The following SPTBN5 variants were observed in gnomAD, a reference collection of about 807,000 sequenced individuals.
SPTBN5 encodes spectrin beta, non-erythrocytic 5.
Under a neutral mutation model 477.6 loss-of-function variants are expected in SPTBN5, and 513 were observed. The ratio of observed to expected loss-of-function variants is 1.07; its 90% CI spans 1.00 to 1.16. SPTBN5 has a LOEUF of 1.16. Among genes scored for constraint, SPTBN5 ranks in the 50% most tolerant of loss-of-function variants. The pLI is 0.00. For synonymous variants in SPTBN5, 2,169 were observed against 2,011.7 expected (o/e 1.08, Z -2.09); for missense variants, 5,062 against 4,731.8 (o/e 1.07, Z -2.05).
rs1445972863 is a variant in SPTBN5, at chr15:41,855,352, GC to G, written c.9294del (p.His3099ThrfsTer23). On this transcript the variant is annotated frameshift_variant, in exon 55 of 68. Coordinates refer to ENST00000320955, the MANE Select transcript of SPTBN5 (RefSeq NM_016642.4). LOFTEE classifies it high-confidence loss of function. ...AELLRRAEARGHGLQEQLQLH... is the reference protein window; with the variant it reads ...AELLRRAEARXHGLQEQLQLH... ...AGCTGCAGCTGCTCCTGCAGGCCGTGCCCCCTGGCCTCCGCCCTCCGCAGCA... is the reference window on the plus strand; with the variant it reads ...AGCTGCAGCTGCTCCTGCAGGCCGTGCCCCTGGCCTCCGCCCTCCGCAGCA... The G allele has an allele frequency of 6.2e-7, 1 of 1,606,168 alleles. No individual in the cohort carries two copies. Among genetic ancestry groups the G allele is most frequent in the East Asian group, 2.2e-5 (1 of 44,866 alleles).
intron 6 of SPTBN5, among the ~76,000 whole-genome samples, chr15:41,886,931 C>A (rs1397147629): frequency 6.6e-6 from 1 of 152,264 alleles, no homozygotes; most frequent in Non-Finnish European, 1.5e-5. Flanking sequence ...AGCTTAATAG[C>A]CCGAGAGTCG....
intron 3 of SPTBN5, among the ~76,000 whole-genome samples, chr15:41,890,411 C>T (rs1188888881): frequency 6.6e-6 from 1 of 152,226 alleles, no homozygotes; most frequent in African/African-American, 2.4e-5. Flanking sequence ...GCCTCAAGCC[C>T]ACCTGGGTGA....
chr15:41,876,215 G>A lies in SPTBN5; in HGVS notation c.4021C>T (p.Pro1341Ser). The change falls in exon 21 of 68, where the codon CCC (proline) becomes TCC (serine). Residue 1341 changes from proline to serine, a missense_variant. By Grantham distance (74) the Pro-to-Ser change is moderately conservative. Coordinates refer to ENST00000320955, the MANE Select transcript of SPTBN5 (RefSeq NM_016642.4). ...AGGATGTTTCTGCGCGCTCCGGAGGGCTCATGCGCAGCCATCAGCCCCTTC... is the reference window on the plus strand; with the variant it reads ...AGGATGTTTCTGCGCGCTCCGGAGGACTCATGCGCAGCCATCAGCCCCTTC... ...EEKGLMAAHE[P>S]SGARRNILQT... 1.2e-6 allele frequency: 2 copies of A among 1,604,270 alleles called. No individual in the cohort carries two copies. The highest frequency in any genetic ancestry group is 8.5e-7 in the Non-Finnish European group (1 of 1,179,042).
chr15:41,862,196 G>T lies in SPTBN5; in HGVS notation c.7482C>A (p.Asp2494Glu). ...VSAQRLRAQM[D>E]TSPAPRSPVE... Reference sequence around the variant, plus strand: ...CAGGGCTGCGAGGAGCGGGGCTCGTGTCCATCTGAGCCCGCAGCCTCTGGG... The same window carrying T: ...CAGGGCTGCGAGGAGCGGGGCTCGTTTCCATCTGAGCCCGCAGCCTCTGGG... Residue 2494 changes from aspartate to glutamate, a missense_variant, in exon 44 of 68, where the codon GAC (aspartate) becomes GAA (glutamate). Physicochemically the swap from Asp to Glu is conservative, Grantham distance 45. Coordinates refer to ENST00000320955, the MANE Select transcript of SPTBN5 (RefSeq NM_016642.4). 6.2e-7 allele frequency: 1 copy of T among 1,610,552 alleles called. No individual in the cohort carries two copies.
Position 41,876,965 on chromosome 15 carries a change from C to G in SPTBN5, c.3712-17G>C, listed in dbSNP as rs1212501817. 6.3e-7 allele frequency: 1 copy of G among 1,598,884 alleles called. No homozygotes were observed. Among genetic ancestry groups the G allele is most frequent in the Non-Finnish European group, 8.5e-7 (1 of 1,173,888 alleles). On this transcript the variant is annotated splice_polypyrimidine_tract_variant and intron_variant, in intron 18 of 67. Transcript: ENST00000320955. Reference sequence around the variant, plus strand: ...CACGTCCTCCTGGGAGTGCAGAGACCTGAGGTCATGCCTGGGAGAATGGGG... The same window carrying G: ...CACGTCCTCCTGGGAGTGCAGAGACGTGAGGTCATGCCTGGGAGAATGGGG...
chr15:41,850,981 G>C (rs766225930), intron 65 of SPTBN5, 42 bp from the exon 66 acceptor site: 151 of 1,589,250 alleles, frequency 9.5e-5, no homozygotes, highest in Non-Finnish European at 1.2e-4. Flanking sequence ...TGTCCCTTTG[G>C]GGACCCCCAC....
chr15:41,854,510 A>G (rs1431509191), intron 56 of SPTBN5, among the ~76,000 whole-genome samples: 1 of 151,798 alleles, frequency 6.6e-6, no homozygotes, highest in Non-Finnish European at 1.5e-5. Context: ...GATCTGGCTG[A>G]CCCTGGCAGT....
In SPTBN5 at chr15:41,868,482, C is replaced by T. The variant is rs751842962; in HGVS notation, c.5973G>A (p.Glu1991=). The T allele has an allele frequency of 1.2e-5, 20 of 1,611,476 alleles. No homozygotes were observed. Among genetic ancestry groups the T allele is most frequent in the Admixed American group, 5.0e-5 (3 of 59,974 alleles). The change falls in exon 33 of 68, where the codon GAG becomes GAA. Residue 1991 remains glutamate, a synonymous_variant. Coordinates refer to ENST00000320955, the MANE Select transcript of SPTBN5 (RefSeq NM_016642.4). ...KLSAHQWLRA[E]LEAREKLWQQ... Reference sequence around the variant, plus strand: ...GCCACAGCTTCTCCCGGGCCTCCAGCTCCGCCCGGAGCCACTGGTGGGCAC... The same window carrying T: ...GCCACAGCTTCTCCCGGGCCTCCAGTTCCGCCCGGAGCCACTGGTGGGCAC...
At chr15:41,851,188 C>T in intron 64 of SPTBN5, 38 bp from the exon 65 acceptor site, 1 of 1,598,086 alleles carries the variant, frequency 6.3e-7, no homozygotes, top group Non-Finnish European at 8.5e-7. Context: ...CTGCGGCCAT[C>T]TCAGCTTTTC....
In SPTBN5 at chr15:41,863,803, A is replaced by G. The variant is rs369529661; in HGVS notation, c.7050T>C (p.His2350=). ...SQLNNRWASF[H]GNLLRYQQQL... is the part of the protein sequence containing the mutation. ...GCTGCTGGTACCGGAGCAAGTTGCC[A>G]TGGAAACTCGCCCACCTGGCCAAGG... Residue 2350 remains histidine (H), a synonymous_variant, in exon 41 of 68, where the codon CAT becomes CAC. Coordinates refer to ENST00000320955, the MANE Select transcript of SPTBN5 (RefSeq NM_016642.4). 1.0e-4 allele frequency: 169 copies of G among 1,613,860 alleles called. No individual in the cohort carries two copies. The highest frequency in any genetic ancestry group is 1.2e-4 in the Non-Finnish European group (147 of 1,179,860).
chr15:41,863,775 G>A lies in SPTBN5; in HGVS notation c.7078C>T (p.Leu2360Phe). The A allele has an allele frequency of 6.2e-7, 1 of 1,613,844 alleles. No individual in the cohort carries two copies. Among genetic ancestry groups the A allele is most frequent in the South Asian group, 1.1e-5 (1 of 91,084 alleles). The change falls in exon 41 of 68, where the codon CTC becomes TTC. Residue 2360 changes from leucine (L) to phenylalanine (F), a missense_variant. Leu to Phe is a conservative substitution (Grantham distance 22). Transcript: ENST00000320955. ...HGNLLRYQQQ[L>F]EGALEIHVLS... ...ACGTGTATCTCCAAGGCCCCTTCGA[G>A]CTGCTGCTGGTACCGGAGCAAGTTG...
intron 11 of SPTBN5, 24 bp downstream of exon 11, chr15:41,882,245 C>T (rs1471031761): frequency 1.5e-6 from 2 of 1,372,992 alleles, no homozygotes; most frequent in Non-Finnish European, 1.9e-6. Context: ...CCGCCCCCAC[C>T]CCGCCTCCAC....
rs374817722 is a variant in SPTBN5, at chr15:41,856,823, G to A, written c.8808+30C>T. 1.1e-4 allele frequency: 166 copies of A among 1,526,888 alleles called. No individual in the cohort carries two copies. In the East Asian group the frequency reaches 3.4e-3, roughly 31 times the overall value. The allele number at this position is 1,526,888 out of a possible 1,614,324, so 94.6% of individuals were successfully genotyped here. ...TGGCTGAGAAGCCCTGCTCATGTGC[G>A]AGGCCAGCCCTCCCCGGGTGGGCCC... On this transcript the variant is annotated intron_variant, in intron 52 of 67. Coordinates refer to ENST00000320955, the MANE Select transcript of SPTBN5 (RefSeq NM_016642.4).
In SPTBN5 at chr15:41,881,932, T is replaced by A. The variant is rs759332500; in HGVS notation, c.2457+4A>T. 1.3e-6 allele frequency: 2 copies of A among 1,527,996 alleles called. No homozygotes were observed. Among genetic ancestry groups the A allele is most frequent in the Non-Finnish European group, 1.7e-6 (2 of 1,146,262 alleles). 94.7% of individuals were successfully genotyped at this position (1,527,996 alleles called of 1,614,324 possible). ...CAGGCGCCCTTCCCTGTCCCCGTCC[T>A]CACCGTGAATAACGACGCCCGGGCC... On this transcript the variant is annotated splice_donor_region_variant and intron_variant, in intron 12 of 67. Coordinates refer to ENST00000320955, the MANE Select transcript of SPTBN5 (RefSeq NM_016642.4).
In SPTBN5 at chr15:41,850,068, G is replaced by T; in HGVS notation, c.10922-109C>A. ...TGGAGGCTCAGCACAGCCTTAGGCAGCCTGGCTATGCCAGGCCCTTCCCAC... is the reference window on the plus strand; with the variant it reads ...TGGAGGCTCAGCACAGCCTTAGGCATCCTGGCTATGCCAGGCCCTTCCCAC... On this transcript the variant is annotated intron_variant, in intron 66 of 67. Transcript: ENST00000320955. 3.3e-6 allele frequency: 3 copies of T among 922,952 alleles called. 1 individual carries two copies. Among genetic ancestry groups the T allele is most frequent in the South Asian group, 2.9e-5 (2 of 70,054 alleles). 57.2% of individuals were successfully genotyped at this position (922,952 alleles called of 1,614,324 possible).
At chr15:41,880,895 T>C in intron 13 of SPTBN5, 139 bp downstream of exon 13, 1 of 761,306 alleles carries the variant, frequency 1.3e-6, no homozygotes, top group South Asian at 1.8e-5. Context: ...TAATGAGTTG[T>C]CTGACATCTT....
In SPTBN5 at chr15:41,887,305, C is replaced by T. The variant is rs2067185036; in HGVS notation, c.796G>A (p.Asp266Asn). 1.9e-6 allele frequency: 3 copies of T among 1,551,308 alleles called. No homozygotes were observed. The highest frequency in any genetic ancestry group is 2.6e-6 in the Non-Finnish European group (3 of 1,147,018). ...ACGTAGGTCATGATAGAGCGCTCAT[C>T]TGGCTGTGCGGCTGCCACGTCCTCG... The part of the protein sequence containing the change: ...DPEDVAAAQP[D>N]ERSIMTYVSL... The change falls in exon 6 of 68, where the codon GAT (aspartate) becomes AAT (asparagine). Residue 266 changes from aspartate to asparagine, a missense_variant. By Grantham distance (23) the Asp-to-Asn change is conservative. Transcript: ENST00000320955.
rs888843506 is a variant in SPTBN5, at chr15:41,848,440, A to C, written c.*176T>G. On this transcript the variant is annotated 3_prime_UTR_variant, in exon 68 of 68. Coordinates refer to ENST00000320955, the MANE Select transcript of SPTBN5 (RefSeq NM_016642.4). Reference sequence around the variant, plus strand: ...GGCCAGGCAATGGCTGTTTCCTGCCACATGGTAGGACCCATCTAACCAGAA... The same window carrying C: ...GGCCAGGCAATGGCTGTTTCCTGCCCCATGGTAGGACCCATCTAACCAGAA... The C allele has an allele frequency of 1.4e-6, 1 of 713,016 alleles. No homozygotes were observed. Among genetic ancestry groups the C allele is most frequent in the Non-Finnish European group, 2.5e-6 (1 of 402,080 alleles). 44.2% of individuals were successfully genotyped at this position (713,016 alleles called of 1,614,324 possible). A position where few individuals can be genotyped will look rare whatever the true frequency, so the allele number is the denominator to read the frequency against.
chr15:41,873,912 C>G lies in SPTBN5; in HGVS notation c.4823G>C (p.Trp1608Ser), dbSNP rs780151613. The change falls in exon 25 of 68, where the codon TGG (tryptophan) becomes TCG (serine). Residue 1608 changes from tryptophan (W) to serine (S), a missense_variant. Trp to Ser is a radical substitution (Grantham distance 177, BLOSUM62 -3). Transcript: ENST00000320955. ...VEQCQELEGH[W>S]AELERACEAR... ...TTCACATGCCCTCTCCAGCTCTGCCCAGTGGCCTTCCAGCTCCTGGCACTG... is the reference window on the plus strand; with the variant it reads ...TTCACATGCCCTCTCCAGCTCTGCCGAGTGGCCTTCCAGCTCCTGGCACTG... The G allele has an allele frequency of 4.3e-6, 7 of 1,611,204 alleles. No individual in the cohort carries two copies. Among genetic ancestry groups the G allele is most frequent in the African/African-American group, 1.3e-5 (1 of 74,936 alleles).
Sources: gnomAD v4.1 joint callset for allele counts (sites outside exome capture counted in the v4.1 genomes callset) on GRCh38, gnomAD v4.1.1 for gene constraint, MANE v1.5 for transcripts, NCBI Gene and HGNC (gene_info 2026-07-23, HGNC 2026-07-21) for gene names.